GBA1: variants seen among roughly 807,000 people sequenced by gnomAD.
GBA1 encodes the protein lysosomal acid glucosylceramidase.
the GBA1 span, chr1:155,237,999 GA>G: frequency 2.1e-6 from 2 of 959,334 alleles, no homozygotes; most frequent in Non-Finnish European, 3.3e-6. Flanking sequence ...GCCCAAGGCT[GA>G]AAGGCCCAGA....
At chr1:155,236,102 T>A in the GBA1 span, 1 of 814,558 alleles carries the variant, frequency 1.2e-6, no homozygotes, top group Non-Finnish European at 2.1e-6. Flanking sequence ...AAAGGGAAGA[T>A]AGGGAATCAT....
the GBA1 span, among the ~76,000 whole-genome samples, chr1:155,243,122 C>T: frequency 6.6e-6 from 1 of 152,212 alleles, no homozygotes; most frequent in African/African-American, 2.4e-5. Context: ...GCCTCTGTTC[C>T]TGGAGTTCCT....
chr1:155,236,195 G>C, the GBA1 span: 10 of 1,484,806 alleles, frequency 6.7e-6, no homozygotes, highest in East Asian at 9.2e-5. Flanking sequence ...GGTGAAACTA[G>C]TAAGAGGTCT....
chr1:155,236,767 GTGTA>G, the GBA1 span, among the ~76,000 whole-genome samples: 1 of 151,774 alleles, frequency 6.6e-6, no homozygotes, highest in Admixed American at 6.6e-5. Flanking sequence ...GTGTATGTGT[GTGTA>G]TGTATGTGTG....
At chr1:155,241,305 A>G in the GBA1 span, 4 of 647,166 alleles carry the variant, frequency 6.2e-6, no homozygotes, top group South Asian at 7.1e-5. Flanking sequence ...TGACACAGGA[A>G]GTGAGGCAAT....
At chr1:155,235,463 C>T in the GBA1 span, 2 of 1,293,914 alleles carry the variant, frequency 1.5e-6, no homozygotes, top group South Asian at 2.6e-5. Flanking sequence ...GGGCACTGAC[C>T]CTGCTTTTCT....
the GBA1 span, chr1:155,237,312 C>A: frequency 6.2e-7 from 1 of 1,613,766 alleles, no homozygotes. Flanking sequence ...TTGAAGGTCA[C>A]TGGAGCACCA....
the GBA1 span, among the ~76,000 whole-genome samples, chr1:155,243,613 C>T: frequency 6.6e-6 from 1 of 152,140 alleles, no homozygotes; most frequent in Non-Finnish European, 1.5e-5. Flanking sequence ...TATAGGCGCA[C>T]ACCACCACAC....
At chr1:155,237,121 C>T in the GBA1 span, among the ~76,000 whole-genome samples, 2 of 152,060 alleles carry the variant, frequency 1.3e-5, no homozygotes, top group Non-Finnish European at 2.9e-5. Context: ...TCACCCGCCT[C>T]GGCTTCCCAA....
chr1:155,243,467 T>C, the GBA1 span, among the ~76,000 whole-genome samples: 1 of 152,074 alleles, frequency 6.6e-6, no homozygotes, highest in Admixed American at 6.6e-5. Flanking sequence ...TACTGAGCAA[T>C]TTTTTGTTTG....
At chr1:155,240,549 C>T in the GBA1 span, 8 of 1,073,838 alleles carry the variant, frequency 7.4e-6, no homozygotes, top group Admixed American at 1.7e-5. Flanking sequence ...AGTCTACCAC[C>T]AGCTTACTGG....
chr1:155,238,634 G>T, the GBA1 span: 2 of 1,613,718 alleles, frequency 1.2e-6, no homozygotes, highest in Non-Finnish European at 1.7e-6. Flanking sequence ...GTACCCGGAT[G>T]ATGTTATATC....
At chr1:155,238,139 A>G in the GBA1 span, 1 of 1,614,144 alleles carries the variant, frequency 6.2e-7, no homozygotes, top group Admixed American at 1.7e-5. Context: ...CTTACTTCAC[A>G]AAGTATCTGG....
chr1:155,243,162 C>T, the GBA1 span, among the ~76,000 whole-genome samples: 1 of 152,306 alleles, frequency 6.6e-6, no homozygotes, highest in Non-Finnish European at 1.5e-5. Flanking sequence ...TTCTAAGTAT[C>T]CTCGTAGATA....
chr1:155,241,114 C>A, the GBA1 span: 15 of 1,613,814 alleles, frequency 9.3e-6, no homozygotes, highest in Admixed American at 3.3e-5. Context: ...AAACTCCATC[C>A]CCTCAGGGTC....
chr1:155,242,828 G>A, the GBA1 span, among the ~76,000 whole-genome samples: 1 of 152,158 alleles, frequency 6.6e-6, no homozygotes, highest in Non-Finnish European at 1.5e-5. Flanking sequence ...CCTGACCTCA[G>A]GTGATCCACC....
chr1:155,235,136 C>T, the GBA1 span: 3 of 1,447,766 alleles, frequency 2.1e-6, no homozygotes, highest in Non-Finnish European at 1.9e-6. Flanking sequence ...GAGTGTGATC[C>T]TGCCAAGGCC....
At chr1:155,237,636 T>G in the GBA1 span, 12 of 1,601,938 alleles carry the variant, frequency 7.5e-6, no homozygotes, top group East Asian at 2.7e-4. Flanking sequence ...ACCAGCTGGG[T>G]GTGGTGGCTC....
chr1:155,242,113 T>C, the GBA1 span, among the ~76,000 whole-genome samples: 1 of 152,286 alleles, frequency 6.6e-6, no homozygotes, highest in South Asian at 2.1e-4. Flanking sequence ...GCCTGGAAAA[T>C]GGAGGCAATG....
Sources: gnomAD v4.1 joint callset for allele counts (sites outside exome capture counted in the v4.1 genomes callset) on GRCh38, gnomAD v4.1.1 for gene constraint, MANE v1.5 for transcripts, NCBI Gene and HGNC (gene_info 2026-07-23, HGNC 2026-07-21) for gene names.